Variants in PRR5L observed in about 807,000 individuals in gnomAD.
PRR5L encodes the protein proline-rich protein 5-like.
PRR5L carries 21 observed loss-of-function variants against 36.4 expected under a neutral mutation model. That is an observed-to-expected ratio of 0.58 (90% confidence interval 0.41 to 0.83). PRR5L has a LOEUF of 0.83. PRR5L is among the 40% of genes least tolerant of loss of function. The pLI is 0.00. For synonymous variants in PRR5L, 188 were observed against 197.0 expected (o/e 0.95, Z 0.38); for missense variants, 381 against 473.3 (o/e 0.80, Z 1.81).
At chr11:36,442,790 C>T (rs1038498221) in intron 6 of PRR5L, among the ~76,000 whole-genome samples, 4 of 152,082 alleles carry the variant, frequency 2.6e-5, no homozygotes, top group African/African-American at 9.7e-5. Flanking sequence ...GCCTCATTTC[C>T]ACTTGAGACC....
chr11:36,312,503 G>GTGTT (rs1260178778), intron 1 of PRR5L, among the ~76,000 whole-genome samples: 1 of 152,218 alleles, frequency 6.6e-6, no homozygotes, highest in African/African-American at 2.4e-5. Context: ...GCCAGCCAGA[G>GTGTT]TGTTGTATGA....
chr11:36,400,993 T>G lies in PRR5L; in HGVS notation c.-125-4T>G. 1.4e-6 allele frequency: 2 copies of G among 1,451,836 alleles called. No homozygotes were observed. The highest frequency in any genetic ancestry group is 1.9e-4 in the Middle Eastern group (1 of 5,254). The allele number at this position is 1,451,836 out of a possible 1,614,324, so 89.9% of individuals were successfully genotyped here. A position where few individuals can be genotyped will look rare whatever the true frequency, so the allele number is the denominator to read the frequency against. On this transcript the variant is annotated splice_region_variant and splice_polypyrimidine_tract_variant and intron_variant, in intron 1 of 8. Transcript: ENST00000530639. Reference sequence around the variant, plus strand: ...TCTCAATAAAAGCTTCCCTCTCTTTTCAGGTGTTGGCTACGTTTGTGGTTT... The same window carrying G: ...TCTCAATAAAAGCTTCCCTCTCTTTGCAGGTGTTGGCTACGTTTGTGGTTT...
chr11:36,389,481 C>A (rs570616827), intron 1 of PRR5L, among the ~76,000 whole-genome samples: 1 of 152,156 alleles, frequency 6.6e-6, no homozygotes, highest in Non-Finnish European at 1.5e-5. Context: ...ATTTGACAGA[C>A]AAGGACACTG....
chr11:36,405,443 C>G (rs950473009), intron 3 of PRR5L, among the ~76,000 whole-genome samples: 4 of 152,200 alleles, frequency 2.6e-5, no homozygotes, highest in Non-Finnish European at 5.9e-5. Flanking sequence ...TTTTATAACA[C>G]CAGCCATTGC....
chr11:36,433,617 T>G (rs567073121), intron 5 of PRR5L, among the ~76,000 whole-genome samples: 2 of 152,330 alleles, frequency 1.3e-5, no homozygotes, highest in Admixed American at 1.3e-4. Context: ...TGGCATGATT[T>G]CGTCTCACTG....
chr11:36,376,365 AGGAGG>A (rs2133518608), intron 1 of PRR5L: 1 of 1,142,072 alleles, frequency 8.8e-7, no homozygotes, highest in Admixed American at 3.9e-5. Context: ...GAGGAGGAGG[AGGAGG>A]AGGAGGCGGC....
intron 1 of PRR5L, among the ~76,000 whole-genome samples, chr11:36,390,380 G>C (rs1857542229): frequency 6.6e-6 from 1 of 152,242 alleles, no homozygotes; most frequent in Non-Finnish European, 1.5e-5. Context: ...GTGGTGAGAA[G>C]TGAGCCTGTG....
intron 1 of PRR5L, chr11:36,375,940 G>A (rs2133517624): frequency 5.5e-6 from 2 of 363,112 alleles, no homozygotes; most frequent in East Asian, 7.4e-5. Context: ...CCTCTCTTCA[G>A]CTCCGCCCTG....
At chr11:36,437,336 C>A (rs570027538) in intron 5 of PRR5L, 49 bp from the exon 6 acceptor site, 5 of 1,216,190 alleles carry the variant, frequency 4.1e-6, no homozygotes, top group Non-Finnish European at 6.1e-6. Context: ...CAAGTAATGA[C>A]GAATTCTTTT....
At chr11:36,380,902 G>C (rs1857356258) in intron 1 of PRR5L, among the ~76,000 whole-genome samples, 1 of 152,204 alleles carries the variant, frequency 6.6e-6, no homozygotes, top group South Asian at 2.1e-4. Context: ...GCTAGGCTCA[G>C]CTAGAAGGGT....
intron 1 of PRR5L, among the ~76,000 whole-genome samples, chr11:36,303,631 G>A (rs1231340834): frequency 6.6e-6 from 1 of 152,052 alleles, no homozygotes; most frequent in Non-Finnish European, 1.5e-5. Flanking sequence ...CACAGCTCCT[G>A]GTCCCTTCCC....
chr11:36,387,631 G>C (rs1857482146), intron 1 of PRR5L, among the ~76,000 whole-genome samples: 1 of 152,168 alleles, frequency 6.6e-6, no homozygotes, highest in African/African-American at 2.4e-5. Context: ...GCCAGAGATG[G>C]TGAAAGATCA....
rs139131958 is a variant in PRR5L at position 36,405,115 on chromosome 11, G to C, written c.245+1737G>C. On this transcript the variant is annotated intron_variant, in intron 3 of 8. Transcript: ENST00000530639. ...TTGTGGACAGCTGGGAGAGGTACAG[G>C]TCAAGCCAGATTTCACCAGCCCAGG... Among the ~76,000 whole-genome samples the C allele has an allele frequency of 6.4e-3, 969 of 152,266 alleles. 14 individuals carry two copies. The highest frequency in any genetic ancestry group is 0.022 in the African/African-American group (912 of 41,560).
At chr11:36,425,412 A>G (rs896308077) in intron 4 of PRR5L, 1 of 152,174 alleles carries the variant, frequency 6.6e-6, no homozygotes. Flanking sequence ...GCCCTCAAGG[A>G]ATCTCCAGGA....
intron 1 of PRR5L, among the ~76,000 whole-genome samples, chr11:36,351,725 AT>A (rs1162044611): frequency 2.1e-5 from 2 of 95,064 alleles, no homozygotes; most frequent in African/African-American, 7.7e-5. Flanking sequence ...ATATTTATAT[AT>A]TTTTTATATA....
At chr11:36,373,314 A>T (rs1857216174) in intron 1 of PRR5L, among the ~76,000 whole-genome samples, 1 of 152,224 alleles carries the variant, frequency 6.6e-6, no homozygotes, top group Non-Finnish European at 1.5e-5. Flanking sequence ...TCTTAATAAG[A>T]AAAAGCAAAG....
intron 1 of PRR5L, among the ~76,000 whole-genome samples, chr11:36,359,462 A>AT (rs973201558): frequency 1.3e-5 from 2 of 152,104 alleles, no homozygotes; most frequent in African/African-American, 2.4e-5. Flanking sequence ...TTTAATTTTA[A>AT]TTTTTTTACA....
intron 5 of PRR5L, among the ~76,000 whole-genome samples, chr11:36,433,635 C>T (rs1438502373): frequency 6.6e-6 from 1 of 152,172 alleles, no homozygotes. Flanking sequence ...CTGCAACCTC[C>T]ACCTCCCAGG....
intron 1 of PRR5L, among the ~76,000 whole-genome samples, chr11:36,368,614 G>A (rs1857168350): frequency 6.6e-6 from 1 of 152,174 alleles, no homozygotes; most frequent in African/African-American, 2.4e-5. Flanking sequence ...TCACAAGTCT[G>A]TAGTGGAATT....
Sources: gnomAD v4.1 joint callset for allele counts (sites outside exome capture counted in the v4.1 genomes callset) on GRCh38, gnomAD v4.1.1 for gene constraint, MANE v1.5 for transcripts, NCBI Gene and HGNC (gene_info 2026-07-23, HGNC 2026-07-21) for gene names.